AIG1: variants seen among roughly 807,000 people sequenced by gnomAD.
AIG1 encodes the protein androgen induced 1, also known as androgen-induced gene 1 protein.
A neutral mutation model predicts 31.4 loss-of-function variants in AIG1; 23 were observed. The observed-to-expected ratio is 0.73, with a 90% CI of 0.53 to 1.04. The LOEUF is 1.04. Among genes scored for constraint, AIG1 ranks in the 50% least tolerant of loss-of-function variants. The pLI, the probability that AIG1 is intolerant of heterozygous loss-of-function variation, is 0.00. For missense variants in AIG1, 274 were observed against 295.0 expected, an observed-to-expected ratio of 0.93 and a Z score of 0.52; for synonymous variants, 100 against 110.5, an observed-to-expected ratio of 0.90 and a Z score of 0.60.
At chr6:143,281,102 C>T (rs1243218066) in intron 3 of AIG1, among the ~76,000 whole-genome samples, 1 of 152,124 alleles carries the variant, frequency 6.6e-6, no homozygotes, top group Non-Finnish European at 1.5e-5. Flanking sequence ...AAACATTATT[C>T]AACTGTGATA....
intron 1 of AIG1, among the ~76,000 whole-genome samples, chr6:143,077,567 A>G (rs1004168912): frequency 6.6e-6 from 1 of 152,184 alleles, no homozygotes; most frequent in Non-Finnish European, 1.5e-5. Flanking sequence ...TATTTAAGCC[A>G]TTGTGCTCTT....
At chr6:143,231,809 G>A (rs1793466139) in intron 3 of AIG1, among the ~76,000 whole-genome samples, 1 of 152,130 alleles carries the variant, frequency 6.6e-6, no homozygotes, top group Non-Finnish European at 1.5e-5. Flanking sequence ...TATTTCAAGG[G>A]CTTAATAGCT....
At chr6:143,176,898 G>A (rs1788220598) in intron 3 of AIG1, among the ~76,000 whole-genome samples, 1 of 152,234 alleles carries the variant, frequency 6.6e-6, no homozygotes, top group Non-Finnish European at 1.5e-5. Context: ...TTCCTGGTAT[G>A]TTCCTGCAGT....
At chr6:143,153,013 A>C (rs1331094151) in intron 2 of AIG1, among the ~76,000 whole-genome samples, 1 of 152,208 alleles carries the variant, frequency 6.6e-6, no homozygotes, top group Non-Finnish European at 1.5e-5. Context: ...GTGTGGTTTC[A>C]GCCTAAAGTC....
At chr6:143,342,158 A>G, downstream of AIG1, 1 of 554,774 alleles carries the variant, frequency 1.8e-6, no homozygotes, top group Non-Finnish European at 3.3e-6. Context: ...TCCCGACCTT[A>G]GGTGATCACC....
intron 3 of AIG1, among the ~76,000 whole-genome samples, chr6:143,169,055 AAT>A (rs199718138): frequency 0.036 from 5,414 of 151,666 alleles, 393 homozygotes; most frequent in East Asian, 0.3. Flanking sequence ...ATGGCTTAAA[AAT>A]ATATATGTTT....
At chr6:143,310,876 A>G (rs1775211833) in intron 4 of AIG1, among the ~76,000 whole-genome samples, 1 of 151,838 alleles carries the variant, frequency 6.6e-6, no homozygotes, top group African/African-American at 2.4e-5. Context: ...GAAAGAAACA[A>G]TCACCAAAAC....
intron 2 of AIG1, among the ~76,000 whole-genome samples, chr6:143,141,928 A>G (rs1218800952): frequency 6.6e-6 from 1 of 151,864 alleles, no homozygotes; most frequent in Non-Finnish European, 1.5e-5. Context: ...AACAGCAAAT[A>G]AATAAATAAA....
At chr6:143,232,200 A>C (rs1793489795) in intron 3 of AIG1, among the ~76,000 whole-genome samples, 1 of 152,220 alleles carries the variant, frequency 6.6e-6, no homozygotes, top group African/African-American at 2.4e-5. Context: ...TGGAATTTTC[A>C]TATAAACCCC....
chr6:143,123,426 G>T (rs1400113920), intron 1 of AIG1, among the ~76,000 whole-genome samples: 1 of 152,098 alleles, frequency 6.6e-6, no homozygotes, highest in African/African-American at 2.4e-5. Flanking sequence ...GCTATGTGCA[G>T]GCTTTTCTTA....
chr6:143,239,271 A>G (rs1794043082), intron 3 of AIG1, among the ~76,000 whole-genome samples: 2 of 152,196 alleles, frequency 1.3e-5, no homozygotes, highest in Non-Finnish European at 2.9e-5. Context: ...GAAATGTAAG[A>G]AAAGGGCAAT....
chr6:143,110,234 A>C (rs1325693811), intron 1 of AIG1, among the ~76,000 whole-genome samples: 2 of 152,126 alleles, frequency 1.3e-5, no homozygotes, highest in African/African-American at 4.8e-5. Flanking sequence ...TATAACTGTA[A>C]ATTAAATCTT....
chr6:143,287,243 T>C (rs1052810142), intron 4 of AIG1, among the ~76,000 whole-genome samples: 2 of 151,968 alleles, frequency 1.3e-5, no homozygotes, highest in African/African-American at 4.8e-5. Flanking sequence ...GATATAAGAG[T>C]TTAAGTATCA....
chr6:143,342,695 G>C, downstream of AIG1: 1 of 1,206,312 alleles, frequency 8.3e-7, no homozygotes. Flanking sequence ...AAAAGAAGGA[G>C]ACTTCAGAAA....
At chr6:143,194,196 G>A (rs1790029289) in intron 3 of AIG1, among the ~76,000 whole-genome samples, 1 of 152,148 alleles carries the variant, frequency 6.6e-6, no homozygotes, top group Non-Finnish European at 1.5e-5. Context: ...TAGGTCTCAG[G>A]AAACTTACAA....
chr6:143,077,566 C>T (rs1777846706), intron 1 of AIG1, among the ~76,000 whole-genome samples: 2 of 152,244 alleles, frequency 1.3e-5, no homozygotes, highest in South Asian at 2.1e-4. Flanking sequence ...TTATTTAAGC[C>T]ATTGTGCTCT....
chr6:143,301,513 T>G (rs1798824179), intron 4 of AIG1, among the ~76,000 whole-genome samples: 10 of 152,196 alleles, frequency 6.6e-5, no homozygotes, highest in Admixed American at 6.5e-4. Context: ...AGGAAAGAGA[T>G]TTAATTGACT....
chr6:143,071,762 C>T (rs1174358058), intron 1 of AIG1, among the ~76,000 whole-genome samples: 1 of 149,080 alleles, frequency 6.7e-6, no homozygotes, highest in East Asian at 2.0e-4. Context: ...TTCTTCTCTT[C>T]TTTTTTTTTC....
intron 2 of AIG1, among the ~76,000 whole-genome samples, chr6:143,155,232 G>A (rs1256971233): frequency 6.6e-6 from 1 of 152,120 alleles, no homozygotes; most frequent in Non-Finnish European, 1.5e-5. Flanking sequence ...CCCTTATGGA[G>A]TTTACATTCT....
Sources: gnomAD v4.1 joint callset for allele counts (sites outside exome capture counted in the v4.1 genomes callset) on GRCh38, gnomAD v4.1.1 for gene constraint, MANE v1.5 for transcripts, NCBI Gene and HGNC (gene_info 2026-07-23, HGNC 2026-07-21) for gene names.